DAGLA: variants seen among roughly 807,000 people sequenced by gnomAD.
DAGLA encodes the protein diacylglycerol lipase alpha, also known as diacylglycerol lipase-alpha.
Under a neutral mutation model 102.6 loss-of-function variants are expected in DAGLA, and 22 were observed. That is an observed-to-expected ratio of 0.21 (90% CI 0.15 to 0.31). DAGLA has a LOEUF of 0.31. DAGLA is among the 10% of genes least tolerant of loss of function. DAGLA has a pLI of 1.00. For missense variants in DAGLA, 927 were observed against 1,446.6 expected, an observed-to-expected ratio of 0.64 and a Z score of 5.83; for synonymous variants, 578 against 628.9, an observed-to-expected ratio of 0.92 and a Z score of 1.21.
In DAGLA at chr11:61,736,295, T is replaced by C. The variant is rs770273293; in HGVS notation, c.1316T>C (p.Ile439Thr). 1 of 1,614,100 alleles carries C rather than the reference T, an allele frequency of 6.2e-7. No individual in the cohort carries two copies. The highest frequency in any genetic ancestry group is 8.5e-7 in the Non-Finnish European group (1 of 1,180,004). Residue 439 changes from isoleucine (I) to threonine (T), a missense_variant, in exon 13 of 20, where the codon ATC becomes ACC. By Grantham distance (89) the Ile-to-Thr change is moderately conservative. Around this residue, in one of 4 missense-constraint regions of DAGLA, gnomAD observed 218 missense variants for 459.6 expected, o/e 0.47. Coordinates refer to ENST00000257215, the MANE Select transcript of DAGLA (RefSeq NM_006133.3). ...GGTATGGTCCTCTCAGCTGAGTACATCAAGAAGAAACTGGAGCAGGAGATG... is the reference window on the plus strand; with the variant it reads ...GGTATGGTCCTCTCAGCTGAGTACACCAAGAAGAAACTGGAGCAGGAGATG... The part of the protein sequence containing the change: ...HKGMVLSAEY[I>T]KKKLEQEMVL...
chr11:61,703,406 T>G (rs2065123892), intron 1 of DAGLA, among the ~76,000 whole-genome samples: 1 of 131,176 alleles, frequency 7.6e-6, no homozygotes, highest in Non-Finnish European at 1.5e-5. Context: ...AGGAGCTGAA[T>G]GACAGGAGGG....
chr11:61,731,236 C>T, intron 8 of DAGLA, 81 bp from the exon 9 acceptor site: 3 of 1,570,776 alleles, frequency 1.9e-6, no homozygotes, highest in Non-Finnish European at 2.6e-6. Context: ...TCCGCAGGCT[C>T]CCACCCTGGG....
At chr11:61,725,901 TG>T in intron 5 of DAGLA, 93 bp from the exon 6 acceptor site, 1 of 1,210,128 alleles carries the variant, frequency 8.3e-7, no homozygotes, top group Non-Finnish European at 1.2e-6. Context: ...GGTAGGGTCC[TG>T]GGAACAGCCT....
chr11:61,709,924 C>T (rs574655759), intron 1 of DAGLA, among the ~76,000 whole-genome samples: 16 of 152,142 alleles, frequency 1.1e-4, no homozygotes, highest in African/African-American at 1.4e-4. Context: ...AGCCTCCCCA[C>T]CTTTGAGCAG....
chr11:61,724,939 C>T (rs1193332092), intron 5 of DAGLA, among the ~76,000 whole-genome samples: 1 of 152,082 alleles, frequency 6.6e-6, no homozygotes, highest in Non-Finnish European at 1.5e-5. Context: ...ACCCTGTTGC[C>T]CTCCTTCTCC....
chr11:61,733,264 C>T (rs1046922619), intron 9 of DAGLA, among the ~76,000 whole-genome samples: 1 of 152,220 alleles, frequency 6.6e-6, no homozygotes, highest in African/African-American at 2.4e-5. Context: ...GTTACAGCCT[C>T]ATGCTCAGCT....
intron 7 of DAGLA, among the ~76,000 whole-genome samples, chr11:61,728,515 G>A (rs1170842637): frequency 2.0e-5 from 3 of 152,166 alleles, no homozygotes; most frequent in African/African-American, 4.8e-5. Flanking sequence ...TTTCTGGGTC[G>A]TGCATGGCTG....
chr11:61,733,084 C>A (rs2065390292), intron 9 of DAGLA, among the ~76,000 whole-genome samples: 1 of 152,228 alleles, frequency 6.6e-6, no homozygotes, highest in Admixed American at 6.5e-5. Flanking sequence ...ACCATTTCTG[C>A]ATCTTGGACC....
Position 61,722,914 on chromosome 11 carries a change from G to A in DAGLA, c.363G>A (p.Gln121=). The change falls in exon 4 of 20, where the codon CAG becomes CAA. Residue 121 remains glutamine, a synonymous_variant. Coordinates refer to ENST00000257215, the MANE Select transcript of DAGLA (RefSeq NM_006133.3). ...YAIVGIVWLT[Q]YYTSCNDLTA... is the part of the protein sequence containing the mutation. The stretch of plus-strand genomic sequence containing the variant: ...TCGTGGGCATCGTCTGGCTCACTCA[G>A]TACTACACCTCCTGCAACGACCTCA... 1.9e-6 allele frequency: 3 copies of A among 1,614,146 alleles called. No individual in the cohort carries two copies. Among genetic ancestry groups the A allele is most frequent in the Non-Finnish European group, 2.5e-6 (3 of 1,180,012 alleles).
intron 17 of DAGLA, among the ~76,000 whole-genome samples, chr11:61,739,974 C>T (rs1447818888): frequency 1.3e-5 from 2 of 151,942 alleles, no homozygotes; most frequent in African/African-American, 4.8e-5. Flanking sequence ...CTGGAGGGCT[C>T]ACCCCTCAGG....
intron 19 of DAGLA, among the ~76,000 whole-genome samples, chr11:61,741,722 C>G (rs1003037068): frequency 5.3e-5 from 8 of 151,984 alleles, no homozygotes; most frequent in Middle Eastern, 3.4e-3. Context: ...AGCGATTATC[C>G]TGCCTCAGCC....
chr11:61,737,764 T>C lies in DAGLA; in HGVS notation c.1583+9T>C. 1 of 1,613,464 alleles carries C rather than the reference T, an allele frequency of 6.2e-7. No homozygotes were observed. Among genetic ancestry groups the C allele is most frequent in the Non-Finnish European group, 8.5e-7 (1 of 1,179,410 alleles). Reference sequence around the variant, plus strand: ...AAAGACCTCGTCCCCAGGTGAGTCCTTGGCCCCGCTCCATGGTCCCTTGCC... The same window carrying C: ...AAAGACCTCGTCCCCAGGTGAGTCCCTGGCCCCGCTCCATGGTCCCTTGCC... On this transcript the variant is annotated intron_variant, in intron 15 of 19. Transcript: ENST00000257215.
chr11:61,696,682 A>G (rs1470339247), intron 1 of DAGLA, among the ~76,000 whole-genome samples: 1 of 152,096 alleles, frequency 6.6e-6, no homozygotes, highest in African/African-American at 2.4e-5. Flanking sequence ...GAAAAGGGGA[A>G]AACTGTAGTC....
chr11:61,713,951 T>C (rs1033501910), intron 1 of DAGLA, among the ~76,000 whole-genome samples: 1 of 152,188 alleles, frequency 6.6e-6, no homozygotes, highest in African/African-American at 2.4e-5. Context: ...CCCTTTCACA[T>C]AGGAATCCCA....
chr11:61,725,948 T>C (rs1398890033), intron 5 of DAGLA, 47 bp from the exon 6 acceptor site: 1 of 1,555,198 alleles, frequency 6.4e-7, no homozygotes, highest in Non-Finnish European at 8.9e-7. Context: ...CCAGCTCTTC[T>C]GGTCCAGCCC....
At chr11:61,721,273 A>G (rs1233224568) in intron 3 of DAGLA, among the ~76,000 whole-genome samples, 1 of 152,180 alleles carries the variant, frequency 6.6e-6, no homozygotes, top group African/African-American at 2.4e-5. Context: ...ACACGCCTGT[A>G]ATCCCAGCTA....
intron 1 of DAGLA, among the ~76,000 whole-genome samples, chr11:61,718,206 C>G (rs553498993): frequency 6.4e-4 from 97 of 152,268 alleles, no homozygotes; most frequent in African/African-American, 2.0e-3. Flanking sequence ...GCCAGCCCCT[C>G]TGGGACAGCA....
intron 1 of DAGLA, among the ~76,000 whole-genome samples, chr11:61,707,060 G>C (rs2065156276): frequency 6.6e-6 from 1 of 152,164 alleles, no homozygotes; most frequent in Non-Finnish European, 1.5e-5. Context: ...CGGATAGTTA[G>C]GGGGGCCGAG....
intron 10 of DAGLA, 110 bp from the exon 11 acceptor site, chr11:61,735,451 G>A (rs888562749): frequency 1.9e-5 from 18 of 945,278 alleles, no homozygotes; most frequent in African/African-American, 8.2e-5. Flanking sequence ...CAGAGGCTCC[G>A]TGGCTGGTGG....
Sources: allele counts gnomAD v4.1 joint callset (sites outside exome capture counted in the v4.1 genomes callset), GRCh38; gene constraint gnomAD v4.1.1; regional missense constraint gnomAD v4.1.1; transcripts MANE v1.5; gene names NCBI Gene and HGNC (gene_info 2026-07-23, HGNC 2026-07-21).